The following SLC25A12 variants were observed in gnomAD, a reference collection of about 807,000 sequenced individuals.
SLC25A12 encodes the protein solute carrier family 25 member 12.
SLC25A12 carries 32 observed loss-of-function variants against 83.3 expected under a neutral mutation model. That is an observed-to-expected ratio of 0.38 (90% CI 0.29 to 0.52). The LOEUF is 0.52. Among genes scored for constraint, SLC25A12 ranks in the 20% least tolerant of loss-of-function variants. SLC25A12 has a pLI of 0.84. For synonymous variants in SLC25A12, 267 were observed against 291.1 expected (o/e 0.92, Z 0.84); for missense variants, 611 against 835.6 (o/e 0.73, Z 3.31).
rs988631720 is a variant in SLC25A12, at chr2:171,810,148, C to G, written c.1224+76G>C. On this transcript the variant is annotated intron_variant, in intron 12 of 17. Transcript: ENST00000422440. ...GAGATTATAGGCATGAGCTACCACG[C>G]CTAGCCTTGATTTTAGCTTTTTGGC... is the stretch of plus-strand genomic sequence containing the variant. 6.3e-5 allele frequency: 81 copies of G among 1,289,992 alleles called. 1 individual carries two copies. The highest frequency in any genetic ancestry group is 8.9e-5 in the Non-Finnish European group (79 of 884,648). 79.9% of individuals were successfully genotyped at this position (1,289,992 alleles called of 1,614,324 possible). A position where few individuals can be genotyped will look rare whatever the true frequency, so the allele number is the denominator to read the frequency against.
chr2:171,830,208 T>A (rs1225728629), intron 8 of SLC25A12, among the ~76,000 whole-genome samples: 1 of 152,212 alleles, frequency 6.6e-6, no homozygotes, highest in Non-Finnish European at 1.5e-5. Context: ...TACTGACTAC[T>A]TTATAGAAAC....
chr2:171,874,416 A>C (rs1685521236), intron 2 of SLC25A12, among the ~76,000 whole-genome samples: 1 of 152,144 alleles, frequency 6.6e-6, no homozygotes, highest in Non-Finnish European at 1.5e-5. Flanking sequence ...GAAAAAAGAA[A>C]ATACTAGAAA....
chr2:171,872,955 T>A (rs1194932278), intron 2 of SLC25A12, among the ~76,000 whole-genome samples: 1 of 151,964 alleles, frequency 6.6e-6, no homozygotes, highest in Non-Finnish European at 1.5e-5. Context: ...AAAGGCAGTT[T>A]GAAACCAAAT....
intron 5 of SLC25A12, among the ~76,000 whole-genome samples, chr2:171,838,899 C>T (rs1012877831): frequency 2.6e-5 from 4 of 152,108 alleles, no homozygotes; most frequent in African/African-American, 9.7e-5. Context: ...GTTCATTACA[C>T]TATTCTCTCT....
At chr2:171,885,494 A>G (rs1038142635) in intron 2 of SLC25A12, among the ~76,000 whole-genome samples, 1 of 152,062 alleles carries the variant, frequency 6.6e-6, no homozygotes, top group African/African-American at 2.4e-5. Flanking sequence ...AGCCTGACCA[A>G]GATGGTGAAA....
At chr2:171,837,337 G>C in intron 5 of SLC25A12, 70 bp from the exon 6 acceptor site, 2 of 1,532,364 alleles carry the variant, frequency 1.3e-6, no homozygotes, top group Non-Finnish European at 1.8e-6. Flanking sequence ...TGGAAAGGAA[G>C]GAAGGACAGA....
chr2:171,817,395 A>G (rs1035673764), intron 9 of SLC25A12, among the ~76,000 whole-genome samples: 1 of 152,058 alleles, frequency 6.6e-6, no homozygotes, highest in Non-Finnish European at 1.5e-5. Context: ...TGAGTTCAGG[A>G]GTTCAAGACC....
chr2:171,810,509 C>T (rs1381585441), intron 11 of SLC25A12, among the ~76,000 whole-genome samples: 1 of 152,164 alleles, frequency 6.6e-6, no homozygotes, highest in East Asian at 1.9e-4. Flanking sequence ...AGCATGCTTA[C>T]TTTAAAGCCT....
At chr2:171,813,093 C>T (rs904194106) in intron 11 of SLC25A12, among the ~76,000 whole-genome samples, 2 of 151,834 alleles carry the variant, frequency 1.3e-5, no homozygotes, top group Non-Finnish European at 2.9e-5. Context: ...TTGGGACAAA[C>T]ACATAATTTG....
intron 2 of SLC25A12, among the ~76,000 whole-genome samples, chr2:171,878,695 C>T (rs907557187): frequency 2.0e-5 from 3 of 152,236 alleles, no homozygotes; most frequent in African/African-American, 7.2e-5. Context: ...CAGATCTTAA[C>T]ATCCTTTCAA....
At chr2:171,822,236 T>C (rs1292714400) in intron 9 of SLC25A12, among the ~76,000 whole-genome samples, 2 of 152,232 alleles carry the variant, frequency 1.3e-5, no homozygotes, top group African/African-American at 4.8e-5. Context: ...AGTTTGCTTA[T>C]ATGGGCTTCT....
chr2:171,798,706 T>C (rs1024112068), intron 13 of SLC25A12, among the ~76,000 whole-genome samples: 7 of 152,138 alleles, frequency 4.6e-5, no homozygotes, highest in African/African-American at 7.2e-5. Flanking sequence ...CAATAGGAAA[T>C]GCTATGGTTC....
intron 5 of SLC25A12, among the ~76,000 whole-genome samples, chr2:171,841,860 G>A (rs1684679584): frequency 6.6e-6 from 1 of 152,198 alleles, no homozygotes; most frequent in Admixed American, 6.5e-5. Context: ...AGTGAAGGGT[G>A]ATCACAGAAT....
chr2:171,872,007 CT>C (rs1185803252), intron 2 of SLC25A12, among the ~76,000 whole-genome samples: 45 of 147,366 alleles, frequency 3.1e-4, no homozygotes, highest in African/African-American at 8.0e-4. Flanking sequence ...CCAATATGGA[CT>C]TTTTTTTTAA....
At chr2:171,827,483 A>C (rs1684327938) in intron 8 of SLC25A12, among the ~76,000 whole-genome samples, 1 of 152,042 alleles carries the variant, frequency 6.6e-6, no homozygotes, top group East Asian at 1.9e-4. Context: ...CTGAGCCTTC[A>C]CTTCAGCCTC....
At chr2:171,890,646 T>C (rs559090123) in intron 2 of SLC25A12, among the ~76,000 whole-genome samples, 1 of 152,316 alleles carries the variant, frequency 6.6e-6, no homozygotes, top group African/African-American at 2.4e-5. Context: ...CAGGTGTGGC[T>C]AATTTTTAAA....
chr2:171,787,550 G>A, intron 17 of SLC25A12, 21 bp downstream of exon 17: 1 of 1,565,362 alleles, frequency 6.4e-7, no homozygotes, highest in Non-Finnish European at 8.8e-7. Flanking sequence ...TCTTTGTAAA[G>A]GAGTTGAGCA....
intron 2 of SLC25A12, among the ~76,000 whole-genome samples, chr2:171,878,474 C>T (rs998591903): frequency 6.6e-6 from 1 of 152,130 alleles, no homozygotes; most frequent in African/African-American, 2.4e-5. Context: ...TGCTTTTGCC[C>T]AAACATGAAG....
In SLC25A12 at chr2:171,785,304, C is replaced by T. The variant is rs1690466817; in HGVS notation, c.2007G>A (p.Gln669=). ...KFKSPSVAVV[Q]PKAAVAATQ is the part of the protein sequence containing the mutation. ...GAGTGGCTGCCACTGCTGCCTTTGG[C>T]TGAACCACAGCAACACTAGGAGACT... The change falls in exon 18 of 18, where the codon CAG becomes CAA. Residue 669 remains glutamine (Q), a synonymous_variant. Transcript: ENST00000422440. The T allele has an allele frequency of 1.9e-6, 3 of 1,614,160 alleles. No individual in the cohort carries two copies. The highest frequency in any genetic ancestry group is 2.5e-6 in the Non-Finnish European group (3 of 1,180,014).
Sources: allele counts gnomAD v4.1 joint callset (sites outside exome capture counted in the v4.1 genomes callset), GRCh38; gene constraint gnomAD v4.1.1; transcripts MANE v1.5; gene names NCBI Gene and HGNC (gene_info 2026-07-23, HGNC 2026-07-21).